The following SEC16B variants were observed in gnomAD, a reference collection of about 807,000 sequenced individuals.
SEC16B encodes SEC16 homolog B, endoplasmic reticulum export factor.
A neutral mutation model predicts 141.8 loss-of-function variants in SEC16B; 115 were observed. That is an observed-to-expected ratio of 0.81 (90% CI 0.70 to 0.95). SEC16B has a LOEUF of 0.95. Ranked by LOEUF, SEC16B falls within the 40% of genes least tolerant of loss-of-function variation. The pLI is 0.00. For synonymous variants in SEC16B, 493 were observed against 492.5 expected (o/e 1.00, Z -0.01); for missense variants, 1,291 against 1,312.3 (o/e 0.98, Z 0.25).
upstream of SEC16B, among the ~76,000 whole-genome samples, chr1:177,974,166 T>C (rs189861766): frequency 2.6e-5 from 4 of 151,966 alleles, no homozygotes; most frequent in East Asian, 7.7e-4. Context: ...GAGGAGCCAG[T>C]TTGGTGGGGA....
intron 1 of SEC16B, 84 bp from the exon 2 acceptor site, chr1:177,968,123 A>G: frequency 1.3e-6 from 1 of 775,346 alleles, no homozygotes; most frequent in Non-Finnish European, 2.0e-6. Context: ...TGAAAAGAGC[A>G]GCTATGGTCC....
At chr1:177,946,231 A>G in intron 14 of SEC16B, 189 bp downstream of exon 14, 1 of 651,174 alleles carries the variant, frequency 1.5e-6, no homozygotes, top group Non-Finnish European at 2.8e-6. Flanking sequence ...GCCCCCGCCA[A>G]TGCTGTAATG....
In SEC16B at chr1:177,929,409, T is replaced by C. The variant is rs143847466; in HGVS notation, c.*449A>G. The C allele has an allele frequency of 1.7e-3, 291 of 173,228 alleles. 1 individual carries two copies. Among genetic ancestry groups the C allele is most frequent in the African/African-American group, 6.8e-3 (287 of 42,480 alleles). 10.7% of individuals were successfully genotyped at this position (173,228 alleles called of 1,614,324 possible). Reference sequence around the variant, plus strand: ...AACTTTGCTAAATAGAGCCATGTATTGGTCTATTACTAAGACAGGAAGTAG... The same window carrying C: ...AACTTTGCTAAATAGAGCCATGTATCGGTCTATTACTAAGACAGGAAGTAG... On this transcript the variant is annotated 3_prime_UTR_variant, in exon 26 of 26. Transcript: ENST00000308284.
At position 177,929,903 on chromosome 1, in the gene SEC16B, C is replaced by T; in HGVS notation, c.3138G>A (p.Arg1046=). 6.2e-7 allele frequency: 1 copy of T among 1,613,724 alleles called. No individual in the cohort carries two copies. The highest frequency in any genetic ancestry group is 8.5e-7 in the Non-Finnish European group (1 of 1,179,826). ...PQLPTATSLN[R]PNRLAQRRYP... is the part of the protein sequence containing the mutation. ...AGCGACGCTGAGCTAGGCGATTTGG[C>T]CGATTCAGGCTAGTGGCCGTGGGCA... The change falls in exon 26 of 26, where the codon CGG becomes CGA. Residue 1046 remains arginine, a synonymous_variant. Transcript: ENST00000308284.
upstream of SEC16B, among the ~76,000 whole-genome samples, chr1:177,974,418 A>G (rs1654086192): frequency 6.6e-6 from 1 of 152,234 alleles, no homozygotes; most frequent in Admixed American, 6.5e-5. Flanking sequence ...TATGAAAGAC[A>G]ACATGGAGGT....
chr1:177,963,861 C>T (rs1653279725), intron 5 of SEC16B, among the ~76,000 whole-genome samples: 1 of 152,230 alleles, frequency 6.6e-6, no homozygotes, highest in South Asian at 2.1e-4. Flanking sequence ...GGGTCCCTAA[C>T]ACCTAACACC....
chr1:177,961,524 A>C, intron 6 of SEC16B, 66 bp downstream of exon 6: 1 of 1,528,884 alleles, frequency 6.5e-7, no homozygotes, highest in Non-Finnish European at 8.8e-7. Context: ...TGACTTTCCC[A>C]GAGACTTGCC....
At chr1:177,979,885 T>C (rs558267602) in intron 1 of SEC16B, among the ~76,000 whole-genome samples, 41 of 152,270 alleles carry the variant, frequency 2.7e-4, no homozygotes, top group Non-Finnish European at 5.1e-4. Context: ...GAGAAGAGCA[T>C]GGGAAAGACT....
intron 25 of SEC16B, 141 bp downstream of exon 25, chr1:177,930,404 G>A (rs1171878470): frequency 9.8e-6 from 6 of 613,988 alleles, no homozygotes; most frequent in African/African-American, 3.7e-5. Context: ...CTTTACAGAT[G>A]CAGAAACTGA....
intron 10 of SEC16B, among the ~76,000 whole-genome samples, chr1:177,955,545 C>T (rs1003027422): frequency 3.3e-5 from 5 of 152,214 alleles, no homozygotes; most frequent in African/African-American, 9.6e-5. Flanking sequence ...CGGGGTTTCT[C>T]CATGTCACCC....
chr1:177,937,224 G>GTGTGTCTGCAGCATTTCCTCCCAGAC lies in SEC16B; in HGVS notation c.2467_2492dup (p.His831GlnfsTer137). 1 of 1,612,074 alleles carries GTGTGTCTGCAGCATTTCCTCCCAGAC rather than the reference G, an allele frequency of 6.2e-7. No homozygotes were observed. Among genetic ancestry groups the GTGTGTCTGCAGCATTTCCTCCCAGAC allele is most frequent in the South Asian group, 1.1e-5 (1 of 90,788 alleles). On this transcript the variant is annotated frameshift_variant, in exon 19 of 26. Transcript: ENST00000308284. LOFTEE classifies it high-confidence loss of function. ...GCGGCCAGGTCTTACCAGGGCCCAG[G>GTGTGTCTGCAGCATTTCCTCCCAGAC]TGTGTCTGCAGCATTTCCTCCCAGA...
intron 12 of SEC16B, among the ~76,000 whole-genome samples, chr1:177,950,868 G>A (rs1479843875): frequency 6.7e-6 from 1 of 150,040 alleles, no homozygotes; most frequent in African/African-American, 2.5e-5. Flanking sequence ...AAAAAAGAAA[G>A]GAGGGAAGGA....
rs1254772085 is a variant in SEC16B, at chr1:177,940,645, G to C, written c.2092C>G (p.Pro698Ala). ...CTCCGAAGTTGCGCTAGCCAATCTG[G>C]CTCCAGGTCCCTGTCTCCACTGCGT... is the stretch of plus-strand genomic sequence containing the variant. ...ERRSGDRDLE[P>A]DWLAQLRRQL... The change falls in exon 17 of 26, where the codon CCA becomes GCA. Residue 698 changes from proline to alanine, a missense_variant. Pro to Ala is a conservative substitution (Grantham distance 27). This residue lies in a region of SEC16B where 605 missense variants were observed against 614.1 expected (regional missense o/e 0.99). Coordinates refer to ENST00000308284, the MANE Select transcript of SEC16B (RefSeq NM_033127.4). 6.2e-7 allele frequency: 1 copy of C among 1,613,878 alleles called. No individual in the cohort carries two copies. Among genetic ancestry groups the C allele is most frequent in the African/African-American group, 1.3e-5 (1 of 75,048 alleles).
At chr1:177,942,099 A>G in intron 15 of SEC16B, 59 bp from the exon 16 acceptor site, 1 of 1,523,900 alleles carries the variant, frequency 6.6e-7, no homozygotes. Context: ...AGGAGAAAGA[A>G]ACATAGATAA....
Position 177,939,731 on chromosome 1 carries a change from T to G in SEC16B, c.2174A>C (p.Asp725Ala), listed in dbSNP as rs1249840882. ...TGTTGTTCCTCCGGCTCCCGAAATA[T>G]CTGAGCGAGTAGGATGAGGATCCCC... is the stretch of plus-strand genomic sequence containing the variant. ...DIGDPHPTRS[D>A]ISGAGGTTTE... is the part of the protein sequence containing the mutation. The change falls in exon 18 of 26, where the codon GAT becomes GCT. Residue 725 changes from aspartate (D) to alanine (A), a missense_variant. Asp to Ala is a moderately radical substitution (Grantham distance 126). Coordinates refer to ENST00000308284, the MANE Select transcript of SEC16B (RefSeq NM_033127.4). The G allele has an allele frequency of 2.5e-6, 4 of 1,597,418 alleles. No individual in the cohort carries two copies. Among genetic ancestry groups the G allele is most frequent in the African/African-American group, 1.3e-5 (1 of 74,822 alleles).
chr1:177,974,242 G>T (rs1654078567), upstream of SEC16B, among the ~76,000 whole-genome samples: 1 of 152,148 alleles, frequency 6.6e-6, no homozygotes, highest in Non-Finnish European at 1.5e-5. Flanking sequence ...GGTGAGTATG[G>T]TCAATAAGTA....
rs1466201948 is a variant in SEC16B, at chr1:177,931,583, A to G, written c.3012+907T>C. On this transcript the variant is annotated intron_variant, in intron 24 of 25. Transcript: ENST00000308284. ...CACTTGTGCCCCAAAAGCTACTGAA[A>G]TGTTTTCAAAGAGAACCATATCAGA... Among the ~76,000 whole-genome samples, 4 of 152,192 alleles carry G rather than the reference A, an allele frequency of 2.6e-5. No individual in the cohort carries two copies. In the East Asian group the frequency reaches 7.7e-4, roughly 29 times the overall value.
intron 10 of SEC16B, among the ~76,000 whole-genome samples, chr1:177,955,177 T>C (rs1252527660): frequency 6.6e-6 from 1 of 150,494 alleles, no homozygotes; most frequent in East Asian, 1.9e-4. Flanking sequence ...TTGAATTGAA[T>C]TGAATTGAAT....
At position 177,958,946 on chromosome 1, in the gene SEC16B, G is replaced by T. The variant is rs749834093; in HGVS notation, c.1028C>A (p.Thr343Lys). 3 of 1,613,520 alleles carry T rather than the reference G, an allele frequency of 1.9e-6. No homozygotes were observed. The highest frequency in any genetic ancestry group is 1.6e-4 in the Middle Eastern group (1 of 6,062). ...CTGAGCTGCTTTCTGCTGGCAAAACGTCATAATATCCACCTTATGTACATC... is the reference window on the plus strand; with the variant it reads ...CTGAGCTGCTTTCTGCTGGCAAAACTTCATAATATCCACCTTATGTACATC... ...REDVHKVDIM[T>K]FCQQKAAQSC... Residue 343 changes from threonine to lysine, a missense_variant, in exon 9 of 26, where the codon ACG becomes AAG. This residue lies in a region of SEC16B where 681 missense variants were observed against 675.5 expected (regional missense o/e 1.01). Transcript: ENST00000308284.
Sources: gnomAD v4.1 joint callset for allele counts (sites outside exome capture counted in the v4.1 genomes callset) on GRCh38, gnomAD v4.1.1 for gene constraint, gnomAD v4.1.1 regional missense constraint, MANE v1.5 for transcripts, NCBI Gene and HGNC (gene_info 2026-07-23, HGNC 2026-07-21) for gene names.